The following MAP4K4 variants were observed in gnomAD, a reference collection of about 807,000 sequenced individuals.
MAP4K4 encodes the protein HPK/GCK-like kinase HGK.
In MAP4K4, 38 loss-of-function variants were observed where a neutral mutation model predicts 189.6. The observed-to-expected ratio is 0.20, with a 90% CI of 0.15 to 0.26. The LOEUF is 0.26. Ranked by LOEUF, MAP4K4 falls within the 10% of genes least tolerant of loss-of-function variation. The pLI is 1.00. For synonymous variants in MAP4K4, 610 were observed against 624.3 expected (o/e 0.98, Z 0.34); for missense variants, 1,054 against 1,726.9 (o/e 0.61, Z 6.91).
chr2:101,758,100 TA>T (rs1207997508), intron 2 of MAP4K4, among the ~76,000 whole-genome samples: 6 of 152,202 alleles, frequency 3.9e-5, no homozygotes, highest in African/African-American at 1.2e-4. Context: ...CAAAATATCT[TA>T]CTGTATATAA....
chr2:101,729,572 C>T (rs947907364), intron 2 of MAP4K4, among the ~76,000 whole-genome samples: 2 of 152,170 alleles, frequency 1.3e-5, no homozygotes, highest in Admixed American at 6.5e-5. Flanking sequence ...TTAAAAAATA[C>T]ACTTTGAAAC....
intron 6 of MAP4K4, among the ~76,000 whole-genome samples, chr2:101,830,234 A>G (rs1255926737): frequency 6.6e-6 from 1 of 152,164 alleles, no homozygotes; most frequent in South Asian, 2.1e-4. Flanking sequence ...CTTTGCCAGA[A>G]TGTAAATTCT....
intron 10 of MAP4K4, among the ~76,000 whole-genome samples, chr2:101,842,090 A>G (rs1245466577): frequency 6.6e-6 from 1 of 152,048 alleles, no homozygotes; most frequent in East Asian, 1.9e-4. Context: ...TTGTGGGTAC[A>G]TTTGGCTTAT....
At chr2:101,704,791 A>G (rs2041401983) in intron 2 of MAP4K4, among the ~76,000 whole-genome samples, 1 of 151,578 alleles carries the variant, frequency 6.6e-6, no homozygotes, top group Non-Finnish European at 1.5e-5. Context: ...AACTCGAGTC[A>G]GGGTAAAGTT....
intron 18 of MAP4K4, 35 bp downstream of exon 18, chr2:101,865,071 T>C (rs1166101919): frequency 3.1e-6 from 4 of 1,287,522 alleles, no homozygotes; most frequent in Non-Finnish European, 4.4e-6. Context: ...ACAGGCCTTC[T>C]GTGCAGTCTA....
chr2:101,718,635 T>G (rs2049957629), intron 2 of MAP4K4, among the ~76,000 whole-genome samples: 2 of 145,102 alleles, frequency 1.4e-5, no homozygotes, highest in Non-Finnish European at 3.0e-5. Context: ...GTGGATGGGT[T>G]AAGGGTGGGA....
At chr2:101,751,583 A>C (rs541376029) in intron 2 of MAP4K4, among the ~76,000 whole-genome samples, 1 of 152,360 alleles carries the variant, frequency 6.6e-6, no homozygotes, top group East Asian at 1.9e-4. Flanking sequence ...TGTATTTAAA[A>C]TGGAAAGAAA....
At chr2:101,882,803 C>T (rs2098420472) in intron 28 of MAP4K4, 118 bp downstream of exon 28, 13 of 1,019,446 alleles carry the variant, frequency 1.3e-5, no homozygotes, top group African/African-American at 3.2e-5. Flanking sequence ...TTCTGAAACA[C>T]GTGGATCATT....
intron 2 of MAP4K4, among the ~76,000 whole-genome samples, chr2:101,769,159 A>C (rs1000492618): frequency 1.5e-4 from 23 of 152,200 alleles, no homozygotes; most frequent in African/African-American, 5.1e-4. Flanking sequence ...AGTTTCGTTA[A>C]GTGACTTGGC....
intron 2 of MAP4K4, among the ~76,000 whole-genome samples, chr2:101,701,056 G>C (rs2038343489): frequency 6.6e-6 from 1 of 152,066 alleles, no homozygotes; most frequent in Non-Finnish European, 1.5e-5. Context: ...TAAAGTTTGA[G>C]AAATACTTGT....
intron 2 of MAP4K4, among the ~76,000 whole-genome samples, chr2:101,732,498 C>T (rs1244661565): frequency 6.6e-6 from 1 of 152,178 alleles, no homozygotes; most frequent in Non-Finnish European, 1.5e-5. Flanking sequence ...ACTGCATTTC[C>T]CCTCTTCTGT....
chr2:101,851,769 G>A (rs990673888), intron 12 of MAP4K4, among the ~76,000 whole-genome samples: 3 of 41,880 alleles, frequency 7.2e-5, no homozygotes, highest in South Asian at 2.0e-3. Context: ...CTTAGCTATT[G>A]TTCTTAACTA....
rs775612062 is a variant in MAP4K4 at position 101,882,529 on chromosome 2, ATATT to A, written c.3386-18_3386-15del. 4.6e-5 allele frequency: 71 copies of A among 1,552,986 alleles called. 1 individual carries two copies. The African/African-American group carries it at 8.9e-4, about 19-fold the overall frequency. ...ACCTACTTCTGGATATGCATGTAAA[ATATT>A]TATATTTATTTTGCTAGGCAAAAAG... On this transcript the variant is annotated intron_variant, in intron 27 of 32. Coordinates refer to ENST00000324219, the Ensembl canonical transcript of MAP4K4.
intron 2 of MAP4K4, among the ~76,000 whole-genome samples, chr2:101,790,326 A>G (rs1031611299): frequency 2.0e-5 from 3 of 151,604 alleles, no homozygotes; most frequent in South Asian, 4.2e-4. Context: ...TGATTTGTAG[A>G]AAAAAAAAGT....
At chr2:101,801,330 G>C (rs1450065927) in intron 3 of MAP4K4, among the ~76,000 whole-genome samples, 1 of 152,170 alleles carries the variant, frequency 6.6e-6, no homozygotes, top group Non-Finnish European at 1.5e-5. Context: ...AATTCAGCAA[G>C]AGAACAGGCA....
chr2:101,780,684 A>G (rs1171329454), intron 2 of MAP4K4, among the ~76,000 whole-genome samples: 1 of 152,214 alleles, frequency 6.6e-6, no homozygotes, highest in Non-Finnish European at 1.5e-5. Flanking sequence ...CTTGGTCACT[A>G]AGAGGCACAG....
intron 2 of MAP4K4, among the ~76,000 whole-genome samples, chr2:101,785,043 C>T (rs1374426808): frequency 1.3e-5 from 2 of 152,182 alleles, no homozygotes; most frequent in African/African-American, 2.4e-5. Context: ...AGTCCAACCT[C>T]AGGACTGTAA....
intron 3 of MAP4K4, among the ~76,000 whole-genome samples, chr2:101,799,304 A>G (rs1222687646): frequency 6.6e-6 from 1 of 152,338 alleles, no homozygotes; most frequent in Non-Finnish European, 1.5e-5. Context: ...GTTTTTACAT[A>G]GTAAATGTGA....
At chr2:101,859,469 A>G (rs770263135) in intron 14 of MAP4K4, among the ~76,000 whole-genome samples, 174 bp from the exon 15 acceptor site, 1 of 152,228 alleles carries the variant, frequency 6.6e-6, no homozygotes, top group Non-Finnish European at 1.5e-5. Flanking sequence ...GGTTAGCAAC[A>G]GCTGTGAGAT....
Sources: allele counts gnomAD v4.1 joint callset (sites outside exome capture counted in the v4.1 genomes callset), GRCh38; gene constraint gnomAD v4.1.1; transcripts MANE v1.5; gene names NCBI Gene and HGNC (gene_info 2026-07-23, HGNC 2026-07-21).